Variants in KATNAL2 observed in about 807,000 individuals in gnomAD.
KATNAL2 encodes the protein katanin p60 ATPase-containing subunit A-like 2.
In KATNAL2, 52 loss-of-function variants were observed where a neutral mutation model predicts 76.3. That is an observed-to-expected ratio of 0.68 (90% CI 0.55 to 0.86). The LOEUF (loss-of-function observed/expected upper bound fraction) is 0.86. Among genes scored for constraint, KATNAL2 ranks in the 40% least tolerant of loss-of-function variants. The probability of loss-of-function intolerance (pLI) is 0.00; values close to 1 mark genes in which losing one functional copy is unlikely to be tolerated. For synonymous variants in KATNAL2, 243 were observed against 244.2 expected, an observed-to-expected ratio of 1.00 and a Z score of 0.05; for missense variants, 660 against 668.9, an observed-to-expected ratio of 0.99 and a Z score of 0.15.
intron 3 of KATNAL2, among the ~76,000 whole-genome samples, chr18:46,948,591 ATTTG>A (rs1444256662): frequency 2.0e-5 from 3 of 151,546 alleles, no homozygotes; most frequent in African/African-American, 4.9e-5. Flanking sequence ...TGCCCAGCTA[ATTTG>A]TTTGTTTGTT....
chr18:47,031,403 T>C (rs1160492212), intron 3 of KATNAL2, among the ~76,000 whole-genome samples: 1 of 152,136 alleles, frequency 6.6e-6, no homozygotes, highest in East Asian at 1.9e-4. Flanking sequence ...GTGTGACTTT[T>C]TTTGTGTCTC....
chr18:47,093,400 CCTTT>C (rs1467159560), intron 15 of KATNAL2, among the ~76,000 whole-genome samples: 1 of 138,080 alleles, frequency 7.2e-6, no homozygotes, highest in African/African-American at 2.9e-5. Flanking sequence ...TTTTCTCTGT[CCTTT>C]TTTTTTTTTT....
At chr18:47,043,062 C>A (rs950040601) in intron 3 of KATNAL2, among the ~76,000 whole-genome samples, 9 of 151,918 alleles carry the variant, frequency 5.9e-5, no homozygotes, top group African/African-American at 2.2e-4. Context: ...CCCGTCTCTA[C>A]TAAAAATACA....
At chr18:47,032,904 A>G in intron 3 of KATNAL2, 1 of 1,600,586 alleles carries the variant, frequency 6.2e-7, no homozygotes, top group Non-Finnish European at 8.5e-7. Context: ...CACCAAGTTA[A>G]AGGTTCTGGT....
chr18:47,043,881 A>AACAACTAGTGG (rs2061059513), intron 3 of KATNAL2, among the ~76,000 whole-genome samples: 1 of 152,170 alleles, frequency 6.6e-6, no homozygotes, highest in African/African-American at 2.4e-5. Context: ...CTCCACAGTG[A>AACAACTAGTGG]ACAACTTTTA....
In KATNAL2 at chr18:47,074,531, G is replaced by T. The variant is rs113826654; in HGVS notation, c.1009-746G>T. 3.7e-3 allele frequency among the ~76,000 whole-genome samples: 568 copies of T among 152,120 alleles called. 6 individuals carry two copies. The highest frequency in any genetic ancestry group is 0.013 in the African/African-American group (546 of 41,504). ...TGATGCTCAAGAGATCAGTTTCAGGGTTAAAAAAATAAAGGTTTAGGTTGT... is the reference window on the plus strand; with the variant it reads ...TGATGCTCAAGAGATCAGTTTCAGGTTTAAAAAAATAAAGGTTTAGGTTGT... On this transcript the variant is annotated intron_variant, in intron 13 of 17. Coordinates refer to ENST00000683218, the MANE Select transcript of KATNAL2 (RefSeq NM_001387690.1).
At chr18:47,054,465 T>A (rs374129211) in intron 6 of KATNAL2, 27 bp downstream of exon 6, 12 of 1,606,806 alleles carry the variant, frequency 7.5e-6, no homozygotes, top group Admixed American at 1.7e-5. Context: ...TTCTTCTTAA[T>A]CGACTCGGCT....
chr18:47,039,383 C>A (rs1273820481), intron 3 of KATNAL2, among the ~76,000 whole-genome samples: 1 of 152,118 alleles, frequency 6.6e-6, no homozygotes, highest in Non-Finnish European at 1.5e-5. Flanking sequence ...ACCTGCCATC[C>A]CCTCCACCCA....
chr18:47,041,768 G>A (rs1292984999), intron 3 of KATNAL2, among the ~76,000 whole-genome samples: 1 of 152,174 alleles, frequency 6.6e-6, no homozygotes, highest in Admixed American at 6.5e-5. Context: ...AGTATGGTTA[G>A]TCTTTACTTT....
At chr18:47,033,307 T>C (rs888552028) in intron 3 of KATNAL2, 2 of 1,613,508 alleles carry the variant, frequency 1.2e-6, no homozygotes, top group African/African-American at 2.7e-5. Context: ...CCTTGAAGTA[T>C]CATAAGGCGT....
chr18:47,048,828 CTTTTT>C lies in KATNAL2; in HGVS notation c.122+2321_122+2325del, dbSNP rs35366730. Among the ~76,000 whole-genome samples, 589 of 76,740 alleles carry C rather than the reference CTTTTT, an allele frequency of 7.7e-3. 3 individuals are homozygous for C. The highest frequency in any genetic ancestry group is 0.029 in the African/African-American group (552 of 19,020). 50.3% of individuals were successfully genotyped at this position (76,740 alleles called of 152,430 possible). A position where few individuals can be genotyped will look rare whatever the true frequency, so the allele number is the denominator to read the frequency against. ...TGCGTATAAACTTAGAAGCCAGACT[CTTTTT>C]TTTTTTTTTTTTTTTTTTTGAGACG... On this transcript the variant is annotated intron_variant, in intron 4 of 17. Transcript: ENST00000683218.
intron 8 of KATNAL2, among the ~76,000 whole-genome samples, chr18:47,060,673 C>T (rs1037172905): frequency 1.3e-5 from 2 of 152,150 alleles, no homozygotes; most frequent in African/African-American, 4.8e-5. Context: ...TTAGTTCTGG[C>T]CAGCTCTTAG....
chr18:46,917,816 G>C lies in KATNAL2; in HGVS notation c.-620G>C, dbSNP rs1378748856. On this transcript the variant is annotated 5_prime_UTR_variant, in exon 1 of 18. Coordinates refer to ENST00000683218, the MANE Select transcript of KATNAL2 (RefSeq NM_001387690.1). ...CCGGGACGCGTGACAGGAGCATTCG[G>C]GAAGATTCTTACGGTGCCCTTCACG... The C allele has an allele frequency of 6.5e-6, 1 of 153,310 alleles. No homozygotes were observed. The highest frequency in any genetic ancestry group is 1.9e-4 in the East Asian group (1 of 5,204). The allele number at this position is 153,310 out of a possible 1,614,324, so 9.5% of individuals were successfully genotyped here.
At position 46,932,673 on chromosome 18, in the gene KATNAL2, CAAAAAAAAA is replaced by C. The variant is rs1162695359; in HGVS notation, c.-509-13368_-509-13360del. The stretch of plus-strand genomic sequence containing the variant: ...TGGGCAACAGAGCAAGACTCTGTCT[CAAAAAAAAA>C]AAAAAAAAAAAAAAAGCATTCTTCA... On this transcript the variant is annotated intron_variant, in intron 1 of 17. Coordinates refer to ENST00000683218, the MANE Select transcript of KATNAL2 (RefSeq NM_001387690.1). Among the ~76,000 whole-genome samples, 6 of 42,854 alleles carry C rather than the reference CAAAAAAAAA, an allele frequency of 1.4e-4. 1 individual carries two copies. Among genetic ancestry groups the C allele is most frequent in the Admixed American group, 3.8e-4 (1 of 2,662 alleles). 28.1% of individuals were successfully genotyped at this position (42,854 alleles called of 152,430 possible). A position where few individuals can be genotyped will look rare whatever the true frequency, so the allele number is the denominator to read the frequency against.
chr18:47,062,894 T>C, intron 8 of KATNAL2, 78 bp from the exon 9 acceptor site: 1 of 1,146,136 alleles, frequency 8.7e-7, no homozygotes, highest in Non-Finnish European at 1.3e-6. Context: ...AAATGTGTCT[T>C]GGTTTAATGA....
At chr18:47,099,669 T>C (rs1331343699) in intron 16 of KATNAL2, among the ~76,000 whole-genome samples, 1 of 152,216 alleles carries the variant, frequency 6.6e-6, no homozygotes, top group Non-Finnish European at 1.5e-5. Flanking sequence ...GCCCTGCTGC[T>C]TGTTAGCTGT....
At chr18:46,950,021 C>T (rs1763800841) in intron 3 of KATNAL2, among the ~76,000 whole-genome samples, 1 of 152,188 alleles carries the variant, frequency 6.6e-6, no homozygotes, top group Non-Finnish European at 1.5e-5. Context: ...AAAGCCCAAC[C>T]TCTGCCTCCA....
intron 3 of KATNAL2, 59 bp from the exon 4 acceptor site, chr18:47,046,398 T>C: frequency 8.8e-7 from 1 of 1,142,648 alleles, no homozygotes; most frequent in Non-Finnish European, 1.3e-6. Flanking sequence ...CAGGGTTTAT[T>C]GCCGTAGGAG....
intron 4 of KATNAL2, 69 bp from the exon 5 acceptor site, chr18:47,052,810 TG>T (rs2061373291): frequency 8.2e-7 from 1 of 1,216,606 alleles, no homozygotes; most frequent in African/African-American, 1.5e-5. Flanking sequence ...CCTTTAGACT[TG>T]TAATGCCTGT....
Sources: gnomAD v4.1 joint callset for allele counts (sites outside exome capture counted in the v4.1 genomes callset) on GRCh38, gnomAD v4.1.1 for gene constraint, MANE v1.5 for transcripts, NCBI Gene and HGNC (gene_info 2026-07-23, HGNC 2026-07-21) for gene names.